Variants in ROR1 observed in about 807,000 individuals in gnomAD.
ROR1 encodes the protein inactive tyrosine-protein kinase transmembrane receptor ROR1.
In ROR1, 19 loss-of-function variants were observed where a neutral mutation model predicts 78.8. That is an observed-to-expected ratio of 0.24 (90% CI 0.17 to 0.35). ROR1 has a LOEUF of 0.35. Among genes scored for constraint, ROR1 ranks in the 10% least tolerant of loss-of-function variants. The pLI, the probability that ROR1 is intolerant of heterozygous loss-of-function variation, is 1.00. For missense variants in ROR1, 917 were observed against 1,177.8 expected (o/e 0.78, Z 3.24); for synonymous variants, 386 against 433.6 (o/e 0.89, Z 1.36).
intron 4 of ROR1, chr1:64,095,201 C>T (rs921019669): frequency 5.9e-5 from 9 of 152,058 alleles, no homozygotes; most frequent in African/African-American, 2.2e-4. Context: ...TAGACTTCTC[C>T]CTGCTGGACA....
chr1:64,038,789 C>T (rs1278616734), intron 2 of ROR1, among the ~76,000 whole-genome samples: 2 of 152,148 alleles, frequency 1.3e-5, no homozygotes, highest in African/African-American at 2.4e-5. Context: ...CCGTTCATCT[C>T]TTCATCTAGC....
Position 64,073,295 on chromosome 1 carries a change from T to A in ROR1, c.482+22579T>A, listed in dbSNP as rs369980191. ...CATTCTTGCCCAATCAGTCAGAAGA[T>A]CCAACTACTCCTCTGTGTGCCCCTT... On this transcript the variant is annotated intron_variant, in intron 4 of 8. Coordinates refer to ENST00000371079, the MANE Select transcript of ROR1 (RefSeq NM_005012.4). Among the ~76,000 whole-genome samples the A allele has an allele frequency of 8.5e-5, 13 of 152,266 alleles. 1 individual carries two copies. The highest frequency in any genetic ancestry group is 1.7e-4 in the African/African-American group (7 of 41,546).
chr1:63,940,252 G>A (rs955396318), intron 1 of ROR1, among the ~76,000 whole-genome samples: 1 of 152,134 alleles, frequency 6.6e-6, no homozygotes, highest in Non-Finnish European at 1.5e-5. Flanking sequence ...GGCAGGGAAG[G>A]TACAAATTAA....
At chr1:63,941,445 T>G (rs1366968732) in intron 1 of ROR1, among the ~76,000 whole-genome samples, 1 of 152,268 alleles carries the variant, frequency 6.6e-6, no homozygotes, top group South Asian at 2.1e-4. Context: ...GTTCTCTAAG[T>G]TTGAAATAAT....
intron 2 of ROR1, among the ~76,000 whole-genome samples, chr1:64,031,575 G>A (rs1018225580): frequency 6.6e-6 from 1 of 152,180 alleles, no homozygotes; most frequent in Non-Finnish European, 1.5e-5. Flanking sequence ...TCATACAAAT[G>A]GATCCCAGTT....
chr1:63,801,604 G>C (rs983672930), intron 1 of ROR1, among the ~76,000 whole-genome samples: 4 of 152,072 alleles, frequency 2.6e-5, no homozygotes, highest in African/African-American at 9.7e-5. Context: ...CGGGTATCAT[G>C]TATTTTTTAA....
At chr1:63,952,389 T>C (rs1439350830) in intron 1 of ROR1, among the ~76,000 whole-genome samples, 1 of 152,150 alleles carries the variant, frequency 6.6e-6, no homozygotes, top group Non-Finnish European at 1.5e-5. Flanking sequence ...GTGGGCAGCC[T>C]TTGGACAGCC....
chr1:64,177,352 C>A (rs757647552), intron 8 of ROR1, 76 bp from the exon 9 acceptor site: 2 of 1,065,258 alleles, frequency 1.9e-6, no homozygotes, highest in African/African-American at 1.6e-5. Context: ...CTATATGCCC[C>A]GTCCCTCCTT....
chr1:63,915,704 G>C (rs1457229452), intron 1 of ROR1, among the ~76,000 whole-genome samples: 1 of 152,086 alleles, frequency 6.6e-6, no homozygotes, highest in Non-Finnish European at 1.5e-5. Flanking sequence ...ACACAGAGTA[G>C]TACTGCTTCC....
intron 1 of ROR1, among the ~76,000 whole-genome samples, chr1:63,863,771 G>T (rs924668975): frequency 1.3e-5 from 2 of 150,124 alleles, no homozygotes; most frequent in African/African-American, 5.0e-5. Context: ...GTATTGTATT[G>T]TATTGTATTG....
Position 64,178,899 on chromosome 1 carries a change from G to T in ROR1, c.*44G>T. On this transcript the variant is annotated 3_prime_UTR_variant, in exon 9 of 9. Coordinates refer to ENST00000371079, the MANE Select transcript of ROR1 (RefSeq NM_005012.4). This position sits in a 1 kb window ranked among gnomAD's most constrained non-coding sequence, Gnocchi z 4.3. ...ATGTGGTATACAGGACAAACTAGAC[G>T]GCCGTAGAAAAGATTTATATTCAAA... 3 of 1,419,426 alleles carry T rather than the reference G, an allele frequency of 2.1e-6. No homozygotes were observed. In the Admixed American group the frequency reaches 6.3e-5, roughly 30 times the overall value. 87.9% of individuals were successfully genotyped at this position (1,419,426 alleles called of 1,614,324 possible). A position where few individuals can be genotyped will look rare whatever the true frequency, so the allele number is the denominator to read the frequency against.
At chr1:63,868,203 C>T (rs1253047181) in intron 1 of ROR1, among the ~76,000 whole-genome samples, 3 of 152,146 alleles carry the variant, frequency 2.0e-5, no homozygotes, top group East Asian at 1.9e-4. Context: ...TACCTGTTCC[C>T]GTGGGTTTTC....
At chr1:64,026,692 A>G (rs1257392704) in intron 2 of ROR1, among the ~76,000 whole-genome samples, 1 of 152,192 alleles carries the variant, frequency 6.6e-6, no homozygotes, top group African/African-American at 2.4e-5. Context: ...GGAAGCAGGC[A>G]TGTCTTACAT....
chr1:64,014,736 C>T (rs1410309980), intron 2 of ROR1, among the ~76,000 whole-genome samples: 7 of 10,206 alleles, frequency 6.9e-4, no homozygotes, highest in African/African-American at 1.5e-3. Flanking sequence ...TACACATACG[C>T]ACACTATATA....
At position 64,051,472 on chromosome 1, in the gene ROR1, TAAAATAAAATA is replaced by T. The variant is rs1557628013; in HGVS notation, c.482+760_482+770del. Among the ~76,000 whole-genome samples the T allele has an allele frequency of 3.8e-3, 514 of 135,176 alleles. 5 individuals are homozygous for T. Among genetic ancestry groups the T allele is most frequent in the African/African-American group, 0.015 (495 of 33,916 alleles). The allele number at this position is 135,176 out of a possible 152,430, so 88.7% of individuals were successfully genotyped here. ...CTCAAAAATAAAAAATAAAATAAAA[TAAAATAAAATA>T]AAATAAAATAAAATAAAAAAGCTGA... On this transcript the variant is annotated intron_variant, in intron 4 of 8. Transcript: ENST00000371079.
chr1:64,054,743 G>T (rs531623762), intron 4 of ROR1, among the ~76,000 whole-genome samples: 3 of 152,014 alleles, frequency 2.0e-5, no homozygotes, highest in Non-Finnish European at 2.9e-5. Flanking sequence ...AATTTTCTTG[G>T]GCTGCTGGAA....
At chr1:64,070,595 T>C (rs1487647963) in intron 4 of ROR1, among the ~76,000 whole-genome samples, 1 of 152,150 alleles carries the variant, frequency 6.6e-6, no homozygotes. Flanking sequence ...GCTGGGATTA[T>C]AGGTGTGAGC....
chr1:63,815,086 C>G (rs1188588989), intron 1 of ROR1, among the ~76,000 whole-genome samples: 2 of 152,188 alleles, frequency 1.3e-5, no homozygotes, highest in Non-Finnish European at 2.9e-5. Context: ...GGTATTATTA[C>G]TGCCTCTGTT....
rs200665877 is a variant in ROR1 at position 63,896,147 on chromosome 1, TTCATA to T, written c.92-113146_92-113142del. ...CCACTCCCATCATTACATATTAGAT[TTCATA>T]TCATATCATATTTATTCAATGACTT... On this transcript the variant is annotated intron_variant, in intron 1 of 8. Coordinates refer to ENST00000371079, the MANE Select transcript of ROR1 (RefSeq NM_005012.4). 4.5e-3 allele frequency among the ~76,000 whole-genome samples: 683 copies of T among 152,294 alleles called. 5 individuals carry two copies. The highest frequency in any genetic ancestry group is 0.027 in the Admixed American group (408 of 15,280).
Sources: allele counts gnomAD v4.1 joint callset (sites outside exome capture counted in the v4.1 genomes callset), GRCh38; gene constraint gnomAD v4.1.1; non-coding constraint Gnocchi (gnomAD v3.1); transcripts MANE v1.5; gene names NCBI Gene and HGNC (gene_info 2026-07-23, HGNC 2026-07-21).